KCND3: variants seen among roughly 807,000 people sequenced by gnomAD.
KCND3 encodes the protein potassium voltage-gated channel subfamily D member 3.
A neutral mutation model predicts 51.1 loss-of-function variants in KCND3; 9 were observed. The observed-to-expected ratio is 0.18, with a 90% CI of 0.11 to 0.31. KCND3 has a LOEUF of 0.31. KCND3 is among the 10% of genes least tolerant of loss of function. The probability of loss-of-function intolerance (pLI) is 1.00; values close to 1 mark genes in which losing one functional copy is unlikely to be tolerated. For synonymous variants in KCND3, 349 were observed against 368.0 expected (o/e 0.95, Z 0.59); for missense variants, 526 against 903.8 (o/e 0.58, Z 5.36).
rs192090706 is a variant in KCND3 at position 111,867,864 on chromosome 1, G to A, written c.1107-80758C>T. ...TAGTGTCTTCATAGGTAAGAGCACA[G>A]GCTATGGGGGCAGACAGACCTGGTT... On this transcript the variant is annotated intron_variant, in intron 2 of 7. Transcript: ENST00000302127. Among the ~76,000 whole-genome samples the A allele has an allele frequency of 3.3e-3, 496 of 152,318 alleles. 7 individuals carry two copies. The highest frequency in any genetic ancestry group is 0.012 in the African/African-American group (485 of 41,570).
chr1:111,925,385 CGAATATGATTT>C (rs1235631731), intron 2 of KCND3, among the ~76,000 whole-genome samples: 4 of 152,206 alleles, frequency 2.6e-5, no homozygotes, highest in African/African-American at 9.6e-5. Context: ...TTGAACCCTA[CGAATATGATTT>C]TAGAGCCCAA....
intron 2 of KCND3, among the ~76,000 whole-genome samples, chr1:111,928,028 A>G (rs906635110): frequency 5.3e-5 from 8 of 149,616 alleles, no homozygotes; most frequent in Admixed American, 4.7e-4. Flanking sequence ...GGCCCCTGCC[A>G]CTCTCCATGC....
At chr1:111,975,459 C>T (rs1040468432) in intron 2 of KCND3, among the ~76,000 whole-genome samples, 2 of 152,164 alleles carry the variant, frequency 1.3e-5, no homozygotes, top group Admixed American at 1.3e-4. Flanking sequence ...CCTGGTGCCT[C>T]TACATTCAAA....
chr1:111,808,048 G>A (rs1402279020), intron 2 of KCND3, among the ~76,000 whole-genome samples: 2 of 152,128 alleles, frequency 1.3e-5, no homozygotes, highest in Non-Finnish European at 2.9e-5. Flanking sequence ...CAACGAATGG[G>A]TTTATTAAAT....
At chr1:111,824,562 CTGTTCCATCAAACTGA>C (rs1196738440) in intron 2 of KCND3, among the ~76,000 whole-genome samples, 1 of 152,222 alleles carries the variant, frequency 6.6e-6, no homozygotes, top group Admixed American at 6.5e-5. Flanking sequence ...ACCGGCCCAA[CTGTTCCATCAAACTGA>C]TGTTTACTGT....
At chr1:111,983,650 C>T (rs902104570) in intron 1 of KCND3, among the ~76,000 whole-genome samples, 1 of 152,092 alleles carries the variant, frequency 6.6e-6, no homozygotes, top group African/African-American at 2.4e-5. Context: ...CGCTCACTGC[C>T]GTCCCTAGAT....
intron 2 of KCND3, among the ~76,000 whole-genome samples, chr1:111,837,237 A>C (rs1457265767): frequency 2.0e-5 from 3 of 152,170 alleles, no homozygotes; most frequent in Non-Finnish European, 4.4e-5. Context: ...CTGCCCTCTG[A>C]TGTAACAGTT....
intron 2 of KCND3, among the ~76,000 whole-genome samples, chr1:111,970,062 G>A (rs1343215922): frequency 6.6e-6 from 1 of 151,438 alleles, no homozygotes; most frequent in Non-Finnish European, 1.5e-5. Context: ...TGTCGCCCAG[G>A]CTGGAATGCA....
At chr1:111,929,157 C>G (rs1323913657) in intron 2 of KCND3, among the ~76,000 whole-genome samples, 2 of 152,194 alleles carry the variant, frequency 1.3e-5, no homozygotes, top group East Asian at 3.8e-4. Context: ...ATTCTCACAC[C>G]AACCAGCCCA....
rs539031187 is a variant in KCND3 at position 111,803,249 on chromosome 1, G to A, written c.1107-16143C>T. On this transcript the variant is annotated intron_variant, in intron 2 of 7. Coordinates refer to ENST00000302127, the MANE Select transcript of KCND3 (RefSeq NM_001378969.1). ...GTGAGCTGGTGACAGTGGAGGCCTCGTTTGCCTGGGACACCTCTGCCTCTC... is the reference window on the plus strand; with the variant it reads ...GTGAGCTGGTGACAGTGGAGGCCTCATTTGCCTGGGACACCTCTGCCTCTC... 2.7e-4 allele frequency among the ~76,000 whole-genome samples: 41 copies of A among 152,104 alleles called. No homozygotes were observed. The South Asian group carries it at 2.7e-3, about 10-fold the overall frequency.
intron 2 of KCND3, among the ~76,000 whole-genome samples, chr1:111,885,663 G>A (rs1336824877): frequency 6.6e-6 from 1 of 151,734 alleles, no homozygotes; most frequent in African/African-American, 2.4e-5. Context: ...CATTTACCCT[G>A]TTACATTTTG....
chr1:111,844,020 G>C (rs1027819592), intron 2 of KCND3, among the ~76,000 whole-genome samples: 1 of 152,158 alleles, frequency 6.6e-6, no homozygotes, highest in African/African-American at 2.4e-5. Flanking sequence ...GTACGCAGCA[G>C]AGCAGGGGCT....
intron 2 of KCND3, among the ~76,000 whole-genome samples, chr1:111,980,595 T>C (rs917677958): frequency 6.6e-6 from 1 of 152,286 alleles, no homozygotes; most frequent in South Asian, 2.1e-4. Context: ...CTTCCTAGCC[T>C]AAGCAAATAT....
chr1:111,785,770 G>A (rs1388312679), intron 3 of KCND3, among the ~76,000 whole-genome samples: 2 of 151,930 alleles, frequency 1.3e-5, no homozygotes, highest in South Asian at 2.1e-4. Flanking sequence ...ACTTCCCTTT[G>A]AGCCTTTACA....
intron 2 of KCND3, among the ~76,000 whole-genome samples, chr1:111,799,164 C>A (rs1012049013): frequency 6.6e-6 from 1 of 151,720 alleles, no homozygotes; most frequent in Non-Finnish European, 1.5e-5. Context: ...ACATTCTTAA[C>A]CTAGGGCTTC....
At chr1:111,984,142 A>C (rs1278713958) in intron 1 of KCND3, among the ~76,000 whole-genome samples, 3 of 152,238 alleles carry the variant, frequency 2.0e-5, no homozygotes, top group African/African-American at 7.2e-5. Flanking sequence ...TAAATAAACG[A>C]GGAAGAGGTG....
intron 2 of KCND3, among the ~76,000 whole-genome samples, chr1:111,908,573 C>T (rs981418148): frequency 3.3e-5 from 5 of 152,086 alleles, no homozygotes; most frequent in African/African-American, 1.2e-4. Flanking sequence ...GGACTGGAGT[C>T]CCCAGTCTGT....
intron 2 of KCND3, among the ~76,000 whole-genome samples, chr1:111,823,870 G>A (rs774327309): frequency 6.6e-6 from 1 of 152,108 alleles, no homozygotes; most frequent in Non-Finnish European, 1.5e-5. Context: ...TAATCAGGAA[G>A]CATCTAAAAC....
chr1:111,866,579 A>AACACACACACACACACACACACAC (rs771342858), intron 2 of KCND3, among the ~76,000 whole-genome samples: 8 of 126,816 alleles, frequency 6.3e-5, no homozygotes, highest in Admixed American at 2.5e-4. Context: ...TGTTTCTTTA[A>AACACACACACACACACACACACAC]ACACACACAC....
Sources: gnomAD v4.1 joint callset for allele counts (sites outside exome capture counted in the v4.1 genomes callset) on GRCh38, gnomAD v4.1.1 for gene constraint, MANE v1.5 for transcripts, NCBI Gene and HGNC (gene_info 2026-07-23, HGNC 2026-07-21) for gene names.